Variants in MARCHF3 observed in about 807,000 individuals in gnomAD.
The protein encoded by MARCHF3 is E3 ubiquitin-protein ligase MARCHF3.
In MARCHF3, 13 loss-of-function variants were observed where a neutral mutation model predicts 24.2. The observed-to-expected ratio is 0.54, with a 90% CI of 0.35 to 0.85. The LOEUF is 0.85. Ranked by LOEUF, MARCHF3 falls within the 40% of genes least tolerant of loss-of-function variation. MARCHF3 has a pLI of 0.01. For missense variants in MARCHF3, 276 were observed against 325.0 expected, an observed-to-expected ratio of 0.85 and a Z score of 1.16; for synonymous variants, 144 against 137.3, an observed-to-expected ratio of 1.05 and a Z score of -0.34.
chr5:126,938,551 CAAA>C (rs780942587), intron 1 of MARCHF3, among the ~76,000 whole-genome samples: 1 of 130,556 alleles, frequency 7.7e-6, no homozygotes, highest in Non-Finnish European at 1.7e-5. Context: ...GCAAAAAAAG[CAAA>C]AAAAAAAAAA....
At chr5:127,014,640 T>C (rs1032496179) in intron 1 of MARCHF3, among the ~76,000 whole-genome samples, 2 of 152,136 alleles carry the variant, frequency 1.3e-5, no homozygotes, top group African/African-American at 2.4e-5. Context: ...AAGAATGAAA[T>C]TCTGTAATTT....
intron 3 of MARCHF3, among the ~76,000 whole-genome samples, chr5:126,912,974 C>T (rs1248206071): frequency 6.6e-6 from 1 of 152,204 alleles, no homozygotes; most frequent in Admixed American, 6.5e-5. Flanking sequence ...GAGCACCTCA[C>T]ACATTCTCAA....
intron 1 of MARCHF3, among the ~76,000 whole-genome samples, chr5:126,994,390 G>C (rs1005965932): frequency 3.3e-5 from 5 of 152,190 alleles, no homozygotes; most frequent in African/African-American, 7.2e-5. Context: ...GAGCACCTAG[G>C]GGGTAGGGGG....
intron 1 of MARCHF3, among the ~76,000 whole-genome samples, chr5:127,008,310 C>T (rs111348191): frequency 5.9e-5 from 9 of 152,248 alleles, no homozygotes; most frequent in African/African-American, 2.2e-4. Context: ...CCTGGATAAT[C>T]CCCAAATTCA....
intron 1 of MARCHF3, among the ~76,000 whole-genome samples, chr5:127,016,877 A>G (rs7729101): frequency 0.013 from 2,027 of 152,320 alleles, 43 homozygotes; most frequent in African/African-American, 0.043. Flanking sequence ...ATGTCCATCA[A>G]TGATAGACTG....
At chr5:126,875,503 T>C (rs767279815) in intron 4 of MARCHF3, among the ~76,000 whole-genome samples, 20 of 152,282 alleles carry the variant, frequency 1.3e-4, no homozygotes, top group Non-Finnish European at 2.4e-4. Flanking sequence ...CTCCTTAAGC[T>C]TGACAGCTTG....
intron 1 of MARCHF3, among the ~76,000 whole-genome samples, chr5:126,933,445 CTTT>C (rs1452737485): frequency 1.0e-4 from 14 of 137,914 alleles, no homozygotes; most frequent in African/African-American, 8.0e-5. Flanking sequence ...TTTGGTATCT[CTTT>C]TTTTTTTTTT....
intron 1 of MARCHF3, among the ~76,000 whole-genome samples, chr5:126,985,777 C>G (rs1431308672): frequency 6.6e-6 from 1 of 152,066 alleles, no homozygotes; most frequent in African/African-American, 2.4e-5. Context: ...GCCCGGCCTA[C>G]CTGGATGAAT....
intron 1 of MARCHF3, among the ~76,000 whole-genome samples, chr5:126,957,359 C>T (rs906584502): frequency 2.0e-5 from 3 of 152,156 alleles, no homozygotes; most frequent in African/African-American, 7.2e-5. Flanking sequence ...CTATTTGACA[C>T]ATAAGCTTTA....
chr5:126,897,646 A>G (rs2126780741), intron 3 of MARCHF3, among the ~76,000 whole-genome samples: 1 of 152,218 alleles, frequency 6.6e-6, no homozygotes, highest in South Asian at 2.1e-4. Context: ...AAAGATGAAC[A>G]GTGACAGGGA....
intron 3 of MARCHF3, among the ~76,000 whole-genome samples, chr5:126,902,935 CAAGA>C (rs1333797911): frequency 1.3e-5 from 2 of 152,000 alleles, no homozygotes; most frequent in Non-Finnish European, 2.9e-5. Flanking sequence ...TGTCAGAGGT[CAAGA>C]AAGTGCTTGG....
intron 1 of MARCHF3, among the ~76,000 whole-genome samples, chr5:127,006,385 T>C (rs1028405714): frequency 4.6e-5 from 7 of 152,264 alleles, no homozygotes; most frequent in African/African-American, 1.7e-4. Context: ...TTCAATTTAT[T>C]TTACATAGCT....
intron 3 of MARCHF3, among the ~76,000 whole-genome samples, chr5:126,902,238 C>T (rs1266522303): frequency 1.3e-5 from 2 of 152,058 alleles, no homozygotes; most frequent in African/African-American, 2.4e-5. Flanking sequence ...CCTTTGAAGG[C>T]GTTTGTTAAT....
chr5:126,908,911 T>C (rs1054068228), intron 3 of MARCHF3, among the ~76,000 whole-genome samples: 5 of 152,214 alleles, frequency 3.3e-5, no homozygotes, highest in Non-Finnish European at 2.9e-5. Context: ...TTTTTAGAGT[T>C]TCCAGTTTTT....
chr5:126,936,670 C>T (rs557106811), intron 1 of MARCHF3, among the ~76,000 whole-genome samples: 2 of 152,170 alleles, frequency 1.3e-5, no homozygotes, highest in African/African-American at 4.8e-5. Flanking sequence ...TTAGAAAAAA[C>T]AGTTGAACAA....
At chr5:126,896,571 A>C (rs775464775) in intron 3 of MARCHF3, among the ~76,000 whole-genome samples, 5 of 152,078 alleles carry the variant, frequency 3.3e-5, no homozygotes, top group Non-Finnish European at 7.3e-5. Flanking sequence ...AAAGAACCCA[A>C]GTTAATAACT....
intron 1 of MARCHF3, among the ~76,000 whole-genome samples, chr5:126,969,758 AC>A (rs1750936901): frequency 6.6e-6 from 1 of 152,094 alleles, no homozygotes; most frequent in African/African-American, 2.4e-5. Flanking sequence ...CAGATTCCTG[AC>A]CCCCATCTGC....
chr5:126,926,802 G>T (rs1206823104), intron 1 of MARCHF3, among the ~76,000 whole-genome samples: 1 of 151,576 alleles, frequency 6.6e-6, no homozygotes, highest in East Asian at 1.9e-4. Flanking sequence ...AGGTAGGTGT[G>T]GGCCTGGCAG....
intron 3 of MARCHF3, among the ~76,000 whole-genome samples, chr5:126,909,877 A>T (rs1223417066): frequency 6.6e-6 from 1 of 152,116 alleles, no homozygotes; most frequent in Middle Eastern, 3.2e-3. Flanking sequence ...TTAATAAATA[A>T]AAAAGTTTGA....
Sources: gnomAD v4.1 joint callset for allele counts (sites outside exome capture counted in the v4.1 genomes callset) on GRCh38, gnomAD v4.1.1 for gene constraint, MANE v1.5 for transcripts, NCBI Gene and HGNC (gene_info 2026-07-23, HGNC 2026-07-21) for gene names.